The following CFAP70 variants were observed in gnomAD, a reference collection of about 807,000 sequenced individuals.
CFAP70 encodes the protein cilia and flagella associated protein 70.
In CFAP70, 81 loss-of-function variants were observed where a neutral mutation model predicts 137.6. That is an observed-to-expected ratio of 0.59 (90% CI 0.49 to 0.71). CFAP70 has a LOEUF of 0.71. Among genes scored for constraint, CFAP70 ranks in the 30% least tolerant of loss-of-function variants. The pLI, the probability that CFAP70 is intolerant of heterozygous loss-of-function variation, is 0.00. For missense variants in CFAP70, 976 were observed against 1,226.7 expected (o/e 0.80, Z 3.05); for synonymous variants, 382 against 423.6 (o/e 0.90, Z 1.20).
At chr10:73,355,289 G>C (rs1050270916) in intron 1 of CFAP70, among the ~76,000 whole-genome samples, 15 of 152,162 alleles carry the variant, frequency 9.9e-5, no homozygotes, top group African/African-American at 3.4e-4. Flanking sequence ...TCAGATCAGT[G>C]GCAGCATTAT....
exon 13 of CFAP70, chr10:73,299,645 G>C (rs1010196905): frequency 3.7e-6 from 6 of 1,612,490 alleles, no homozygotes; most frequent in Non-Finnish European, 5.1e-6. Flanking sequence ...AGGAGGCCTT[G>C]GAGGAATCAT....
chr10:73,286,665 C>G (rs1564786736), intron 19 of CFAP70, among the ~76,000 whole-genome samples: 2 of 152,284 alleles, frequency 1.3e-5, no homozygotes, highest in East Asian at 3.9e-4. Context: ...CATGGAGACC[C>G]TAACCCAGTG....
At chr10:73,349,607 C>CT (rs377497320) in intron 3 of CFAP70, among the ~76,000 whole-genome samples, 4 of 152,040 alleles carry the variant, frequency 2.6e-5, no homozygotes, top group African/African-American at 9.7e-5. Context: ...CCTATATTGC[C>CT]TACCATAAGG....
chr10:73,324,502 T>G (rs1182756068), intron 8 of CFAP70, among the ~76,000 whole-genome samples: 1 of 151,924 alleles, frequency 6.6e-6, no homozygotes, highest in East Asian at 1.9e-4. Flanking sequence ...CTTTGACGAG[T>G]TGAGAGAAGA....
intron 14 of CFAP70, 62 bp from the exon 16 acceptor site, chr10:73,297,235 T>C: frequency 3.9e-6 from 6 of 1,543,584 alleles, no homozygotes; most frequent in Non-Finnish European, 5.2e-6. Flanking sequence ...AGAGCACGGG[T>C]CTCTCTAGGG....
chr10:73,356,206 CCTTT>C (rs1242341253), intron 1 of CFAP70, among the ~76,000 whole-genome samples: 4 of 150,872 alleles, frequency 2.7e-5, no homozygotes, highest in Non-Finnish European at 4.4e-5. Flanking sequence ...CTCCTTCCTT[CCTTT>C]TTTTTTTTTT....
At chr10:73,333,541 AT>A (rs2052336962) in intron 7 of CFAP70, among the ~76,000 whole-genome samples, 1 of 152,158 alleles carries the variant, frequency 6.6e-6, no homozygotes, top group Non-Finnish European at 1.5e-5. Flanking sequence ...AAGAACAAGG[AT>A]TAGAAATACA....
At chr10:73,260,039 A>G (rs895820245) in intron 25 of CFAP70, among the ~76,000 whole-genome samples, 7 of 150,900 alleles carry the variant, frequency 4.6e-5, no homozygotes, top group African/African-American at 1.2e-4. Context: ...AAAAAAAAAG[A>G]AAAAAAAAGG....
chr10:73,333,859 GT>G (rs143897832), intron 7 of CFAP70, among the ~76,000 whole-genome samples: 6,777 of 152,174 alleles, frequency 0.045, 459 homozygotes, highest in African/African-American at 0.15. Flanking sequence ...ATTTGTTAAT[GT>G]TTTTTATTCT....
chr10:73,353,435 C>T, intron 3 of CFAP70, 121 bp downstream of exon 3: 1 of 925,978 alleles, frequency 1.1e-6, no homozygotes, highest in Middle Eastern at 2.2e-4. Flanking sequence ...AAGGAACTGT[C>T]CTTTCTTTCT....
At chr10:73,305,706 C>A (rs935368375) in intron 12 of CFAP70, among the ~76,000 whole-genome samples, 1 of 152,066 alleles carries the variant, frequency 6.6e-6, no homozygotes, top group African/African-American at 2.4e-5. Flanking sequence ...CCAAACGTAG[C>A]GAAGGGAAAA....
At chr10:73,256,607 T>TAA (rs1421927912) in intron 25 of CFAP70, among the ~76,000 whole-genome samples, 191 bp from the exon 27 acceptor site, 1 of 151,424 alleles carries the variant, frequency 6.6e-6, no homozygotes, top group Non-Finnish European at 1.5e-5. Flanking sequence ...GTTTTTTTTT[T>TAA]AAAAAATTCC....
chr10:73,258,604 C>G (rs909826127), intron 25 of CFAP70, among the ~76,000 whole-genome samples: 14 of 152,206 alleles, frequency 9.2e-5, no homozygotes, highest in Non-Finnish European at 1.9e-4. Context: ...AACTATTGGG[C>G]CTGACTGCCT....
chr10:73,269,256 C>A (rs1326111238), intron 25 of CFAP70, among the ~76,000 whole-genome samples: 1 of 152,088 alleles, frequency 6.6e-6, no homozygotes, highest in Non-Finnish European at 1.5e-5. Context: ...CCCAATATCC[C>A]ATCTAAATCA....
At chr10:73,274,045 C>T (rs1056003920) in intron 23 of CFAP70, among the ~76,000 whole-genome samples, 7 of 152,202 alleles carry the variant, frequency 4.6e-5, no homozygotes, top group African/African-American at 1.7e-4. Context: ...GGGTTAGCCT[C>T]AACCAGATTA....
chr10:73,285,183 G>T (rs1160617880), intron 19 of CFAP70, among the ~76,000 whole-genome samples: 1 of 152,136 alleles, frequency 6.6e-6, no homozygotes, highest in African/African-American at 2.4e-5. Flanking sequence ...GCAGGCAAGA[G>T]ATTGGGCTAT....
chr10:73,279,396 C>T (rs1026180145), intron 19 of CFAP70, among the ~76,000 whole-genome samples: 4 of 151,486 alleles, frequency 2.6e-5, no homozygotes, highest in African/African-American at 9.7e-5. Context: ...TGGTGGCGGG[C>T]GCCTGTAGTC....
chr10:73,308,327 C>G (rs528080716), intron 12 of CFAP70, among the ~76,000 whole-genome samples: 40 of 151,930 alleles, frequency 2.6e-4, no homozygotes, highest in South Asian at 1.0e-3. Flanking sequence ...GATCAATAAA[C>G]TTTAAAAGAT....
intron 8 of CFAP70, among the ~76,000 whole-genome samples, chr10:73,330,909 T>C (rs2052007182): frequency 6.6e-6 from 1 of 152,204 alleles, no homozygotes; most frequent in African/African-American, 2.4e-5. Context: ...ATAGGATATC[T>C]GGTAATAAAG....
Sources: allele counts gnomAD v4.1 joint callset (sites outside exome capture counted in the v4.1 genomes callset), GRCh38; gene constraint gnomAD v4.1.1; transcripts MANE v1.5; gene names NCBI Gene and HGNC (gene_info 2026-07-23, HGNC 2026-07-21).